TBC1D19: variants seen among roughly 807,000 people sequenced by gnomAD.
TBC1D19 encodes the protein TBC1 domain family member 19, also known as TBC1 domain family, member 19.
A neutral mutation model predicts 89.0 loss-of-function variants in TBC1D19; 60 were observed. The ratio of observed to expected loss-of-function variants is 0.67; its 90% confidence interval spans 0.55 to 0.84. TBC1D19 has a LOEUF of 0.84. TBC1D19 is among the 40% of genes least tolerant of loss of function. The pLI is 0.00. For missense variants in TBC1D19, 500 were observed against 610.8 expected, an observed-to-expected ratio of 0.82 and a Z score of 1.91; for synonymous variants, 189 against 199.7, an observed-to-expected ratio of 0.95 and a Z score of 0.45.
At chr4:26,816,166 G>A in the TBC1D19 span, among the ~76,000 whole-genome samples, 1 of 152,196 alleles carries the variant, frequency 6.6e-6, no homozygotes, top group South Asian at 2.1e-4. Context: ...GCATGGCTGT[G>A]TTCCAACAAA....
intron 7 of TBC1D19, among the ~76,000 whole-genome samples, chr4:26,654,613 A>T (rs1577882904): frequency 6.6e-6 from 1 of 152,070 alleles, no homozygotes; most frequent in East Asian, 1.9e-4. Context: ...CTTCTCACTT[A>T]ATTTCATTCA....
intron 7 of TBC1D19, among the ~76,000 whole-genome samples, chr4:26,658,799 A>T (rs974786201): frequency 6.6e-6 from 1 of 152,164 alleles, no homozygotes; most frequent in African/African-American, 2.4e-5. Flanking sequence ...GAGGTTCTTC[A>T]CATCCCTTGT....
At chr4:26,833,467 C>G in the TBC1D19 span, among the ~76,000 whole-genome samples, 4 of 152,224 alleles carry the variant, frequency 2.6e-5, no homozygotes, top group African/African-American at 9.6e-5. Context: ...CCTCTGGCCA[C>G]TCCCCAGCCC....
chr4:26,631,873 AT>A (rs1210275890), intron 4 of TBC1D19, among the ~76,000 whole-genome samples: 2 of 152,040 alleles, frequency 1.3e-5, no homozygotes, highest in Non-Finnish European at 2.9e-5. Context: ...ATGATGTCTA[AT>A]TTCTTTTCTG....
At chr4:26,735,176 A>T (rs1197997421) in intron 15 of TBC1D19, among the ~76,000 whole-genome samples, 1 of 151,442 alleles carries the variant, frequency 6.6e-6, no homozygotes, top group Admixed American at 6.6e-5. Context: ...ATGTACACAT[A>T]TATACACGTA....
the TBC1D19 span, among the ~76,000 whole-genome samples, chr4:26,847,356 G>A: frequency 6.6e-6 from 1 of 152,222 alleles, no homozygotes; most frequent in East Asian, 1.9e-4. Context: ...TTTAAAGTGA[G>A]TTGTCAGACA....
At chr4:26,640,763 C>G (rs1743444530) in intron 7 of TBC1D19, among the ~76,000 whole-genome samples, 1 of 152,250 alleles carries the variant, frequency 6.6e-6, no homozygotes, top group African/African-American at 2.4e-5. Flanking sequence ...TATCCCATGC[C>G]TGGCTCAGCA....
At chr4:26,781,407 GA>G in the TBC1D19 span, among the ~76,000 whole-genome samples, 1 of 152,096 alleles carries the variant, frequency 6.6e-6, no homozygotes, top group African/African-American at 2.4e-5. Flanking sequence ...TAAGACGGGG[GA>G]AATAAAACCT....
intron 1 of TBC1D19, among the ~76,000 whole-genome samples, chr4:26,590,158 G>C (rs1321545507): frequency 6.6e-6 from 1 of 152,186 alleles, no homozygotes; most frequent in South Asian, 2.1e-4. Context: ...AGGTGAAGTA[G>C]TTTAGAATCT....
In TBC1D19 at chr4:26,617,138, G is replaced by A. The variant is rs544441092; in HGVS notation, c.218+2685G>A. On this transcript the variant is annotated intron_variant, in intron 3 of 20. Coordinates refer to ENST00000264866, the MANE Select transcript of TBC1D19 (RefSeq NM_018317.4). ...TGGAGGCTGGGAAGTCCAATATCAA[G>A]GTGCCAGCATCTGGTGAGAGCCTTC... 9.9e-5 allele frequency among the ~76,000 whole-genome samples: 15 copies of A among 152,272 alleles called. No individual in the cohort carries two copies. The South Asian group carries it at 3.1e-3, about 32-fold the overall frequency.
the TBC1D19 span, among the ~76,000 whole-genome samples, chr4:26,845,754 C>T: frequency 6.6e-6 from 1 of 152,208 alleles, no homozygotes; most frequent in African/African-American, 2.4e-5. Context: ...AGCAAAGGCA[C>T]ATCTTATATG....
At chr4:26,621,647 T>G (rs1742055252) in intron 4 of TBC1D19, among the ~76,000 whole-genome samples, 1 of 152,070 alleles carries the variant, frequency 6.6e-6, no homozygotes, top group South Asian at 2.1e-4. Context: ...ATCAAAAAAT[T>G]AGATGGTGAA....
rs1719216659 is a variant in TBC1D19 at position 26,755,539 on chromosome 4, T to C, written c.*592T>C. On this transcript the variant is annotated 3_prime_UTR_variant, in exon 21 of 21. Transcript: ENST00000264866. ...TTTTATTTCTCTCTTTAAACATCTC[T>C]ACTGGGGAAGGTCGAATACAATTGT... Among the ~76,000 whole-genome samples the C allele has an allele frequency of 1.3e-5, 2 of 152,184 alleles. No homozygotes were observed. Among genetic ancestry groups the C allele is most frequent in the African/African-American group, 4.8e-5 (2 of 41,450 alleles).
At chr4:26,777,132 CTTCT>C in the TBC1D19 span, among the ~76,000 whole-genome samples, 2 of 117,152 alleles carry the variant, frequency 1.7e-5, no homozygotes, top group South Asian at 3.3e-4. Context: ...ATCTCTCTCT[CTTCT>C]TTTTTTTTTT....
chr4:26,696,536 C>T (rs533007870), intron 13 of TBC1D19, among the ~76,000 whole-genome samples: 128 of 152,308 alleles, frequency 8.4e-4, no homozygotes, highest in African/African-American at 2.9e-3. Context: ...ACTCTCCACC[C>T]CAACTCAACA....
At chr4:26,659,316 AC>A (rs1360687760) in intron 7 of TBC1D19, among the ~76,000 whole-genome samples, 1 of 152,104 alleles carries the variant, frequency 6.6e-6, no homozygotes, top group African/African-American at 2.4e-5. Flanking sequence ...TTTTCTAACC[AC>A]CAAAAAGTTT....
intron 1 of TBC1D19, among the ~76,000 whole-genome samples, chr4:26,610,072 A>C (rs1212246753): frequency 6.6e-6 from 1 of 152,130 alleles, no homozygotes; most frequent in Non-Finnish European, 1.5e-5. Flanking sequence ...AATTTAAGTA[A>C]GGTGGCAAGA....
In TBC1D19 at chr4:26,635,573, C is replaced by T. The variant is rs370885150; in HGVS notation, c.295-1638C>T. Among the ~76,000 whole-genome samples, 18 of 152,138 alleles carry T rather than the reference C, an allele frequency of 1.2e-4. No individual in the cohort carries two copies. In the East Asian group the frequency reaches 1.3e-3, roughly 11 times the overall value. ...TGAACTTTATACATTTCACATAGCTCGATATTTATTCTTCAGAAGAATTTT... is the reference window on the plus strand; with the variant it reads ...TGAACTTTATACATTTCACATAGCTTGATATTTATTCTTCAGAAGAATTTT... On this transcript the variant is annotated intron_variant, in intron 4 of 20. Transcript: ENST00000264866.
At chr4:26,831,272 T>A in the TBC1D19 span, among the ~76,000 whole-genome samples, 1 of 152,200 alleles carries the variant, frequency 6.6e-6, no homozygotes, top group African/African-American at 2.4e-5. Flanking sequence ...GCAGGACTGA[T>A]GGGAATTCTG....
Sources: gnomAD v4.1 joint callset for allele counts (sites outside exome capture counted in the v4.1 genomes callset) on GRCh38, gnomAD v4.1.1 for gene constraint, MANE v1.5 for transcripts, NCBI Gene and HGNC (gene_info 2026-07-23, HGNC 2026-07-21) for gene names.